Variants in ANAPC4 observed in about 807,000 individuals in gnomAD.
The protein encoded by ANAPC4 is anaphase promoting complex subunit 4, also known as anaphase-promoting complex subunit 4.
In ANAPC4, 63 loss-of-function variants were observed where a neutral mutation model predicts 119.8. That is an observed-to-expected ratio of 0.53 (90% CI 0.43 to 0.65). The LOEUF (loss-of-function observed/expected upper bound fraction) is 0.65, where lower values mean the gene tolerates loss of function less well. Among genes scored for constraint, ANAPC4 ranks in the 30% least tolerant of loss-of-function variants. The probability of loss-of-function intolerance (pLI) is 0.00; values close to 1 mark genes in which losing one functional copy is unlikely to be tolerated. For synonymous variants in ANAPC4, 283 were observed against 318.6 expected, an observed-to-expected ratio of 0.89 and a Z score of 1.19; for missense variants, 716 against 945.1, an observed-to-expected ratio of 0.76 and a Z score of 3.18.
chr4:25,402,450 G>A (rs1281904860), intron 16 of ANAPC4, among the ~76,000 whole-genome samples: 1 of 152,144 alleles, frequency 6.6e-6, no homozygotes, highest in East Asian at 1.9e-4. Context: ...GTAAAGCCAA[G>A]GGAAATTCAA....
intron 2 of ANAPC4, 73 bp downstream of exon 2, chr4:25,377,629 T>G: frequency 6.6e-7 from 1 of 1,518,402 alleles, no homozygotes; most frequent in East Asian, 2.4e-5. Flanking sequence ...AGCCCGAGCC[T>G]GTTCATTCGG....
At chr4:25,378,002 G>A (rs1021891914) in intron 2 of ANAPC4, among the ~76,000 whole-genome samples, 1 of 152,220 alleles carries the variant, frequency 6.6e-6, no homozygotes, top group Non-Finnish European at 1.5e-5. Flanking sequence ...AGCTGCAAAT[G>A]TGCCTGCATG....
In ANAPC4 at chr4:25,413,717, T is replaced by C. The variant is rs774943244; in HGVS notation, c.1598T>C (p.Ile533Thr). The change falls in exon 22 of 29, where the codon ATT becomes ACT. Residue 533 changes from isoleucine to threonine, a missense_variant. Transcript: ENST00000315368. ...HFVKRRMENI[I>T]DQCLQKPADV... ...GTGAAAAGGCGGATGGAGAATATTA[T>C]TGATCAGTGTTTGCAAAAGCCAGCA... 5 of 1,613,298 alleles carry C rather than the reference T, an allele frequency of 3.1e-6. No homozygotes were observed. Among genetic ancestry groups the C allele is most frequent in the Non-Finnish European group, 4.2e-6 (5 of 1,179,576 alleles).
intron 8 of ANAPC4, 88 bp from the exon 9 acceptor site, chr4:25,390,823 A>T: frequency 1.0e-6 from 1 of 964,580 alleles, no homozygotes; most frequent in Non-Finnish European, 1.6e-6. Context: ...TCTGCTTTTT[A>T]AAGCTCTGAG....
chr4:25,383,603 T>C (rs1162316291), intron 4 of ANAPC4, among the ~76,000 whole-genome samples: 2 of 152,164 alleles, frequency 1.3e-5, no homozygotes, highest in Non-Finnish European at 1.5e-5. Flanking sequence ...TATTGTGGGC[T>C]TGGTTCCAGA....
chr4:25,388,796 A>G, intron 6 of ANAPC4, 42 bp from the exon 7 acceptor site: 1 of 1,599,552 alleles, frequency 6.3e-7, no homozygotes, highest in Non-Finnish European at 8.5e-7. Context: ...ATTATTTGGA[A>G]GACAGAATTG....
chr4:25,378,558 A>C (rs565233358), intron 2 of ANAPC4, among the ~76,000 whole-genome samples: 1 of 152,382 alleles, frequency 6.6e-6, no homozygotes, highest in East Asian at 1.9e-4. Flanking sequence ...GACGGGAGGC[A>C]CATCCGTGCA....
Position 25,414,118 on chromosome 4 carries a change from T to C in ANAPC4, c.1624-206T>C. On this transcript the variant is annotated intron_variant, in intron 22 of 28. Transcript: ENST00000315368. The stretch of plus-strand genomic sequence containing the variant: ...GAGGGAGGTGGTCTTAAACCTGCCA[T>C]GTGCTTAGCACCAAGGTCCTTTTCA... 6.1e-6 allele frequency: 3 copies of C among 489,496 alleles called. No individual in the cohort carries two copies. The South Asian group carries it at 1.1e-4, about 18-fold the overall frequency. 30.3% of individuals were successfully genotyped at this position (489,496 alleles called of 1,614,324 possible).
chr4:25,378,417 AT>A (rs1721528710), intron 2 of ANAPC4, among the ~76,000 whole-genome samples: 1 of 152,170 alleles, frequency 6.6e-6, no homozygotes, highest in South Asian at 2.1e-4. Context: ...TCGCCAGGGT[AT>A]TGATGTCTAA....
At chr4:25,390,070 C>T (rs549611082) in intron 7 of ANAPC4, 66 bp from the exon 8 acceptor site, 24 of 1,116,456 alleles carry the variant, frequency 2.1e-5, no homozygotes, top group Middle Eastern at 2.0e-4. Flanking sequence ...ATTTATATCT[C>T]GCTTTAACAA....
Position 25,413,592 on chromosome 4 carries a change from A to G in ANAPC4, c.1526-53A>G, listed in dbSNP as rs956165648. 8.6e-6 allele frequency: 12 copies of G among 1,394,298 alleles called. No individual in the cohort carries two copies. The Admixed American group carries it at 1.5e-4, about 17-fold the overall frequency. The allele number at this position is 1,394,298 out of a possible 1,614,324, so 86.4% of individuals were successfully genotyped here. ...AACAGTAGATTATTTTCTTCTAATT[A>G]TAAGTTTGCTATAGCTTCTTTTATT... is the stretch of plus-strand genomic sequence containing the variant. On this transcript the variant is annotated intron_variant, in intron 21 of 28. Transcript: ENST00000315368.
At chr4:25,397,236 C>T (rs1300259087) in intron 16 of ANAPC4, among the ~76,000 whole-genome samples, 1 of 152,112 alleles carries the variant, frequency 6.6e-6, no homozygotes, top group Non-Finnish European at 1.5e-5. Flanking sequence ...AGAAGTTATT[C>T]TCTTTGTTTT....
At chr4:25,388,784 C>A in intron 6 of ANAPC4, 41 bp downstream of exon 6, 1 of 1,601,324 alleles carries the variant, frequency 6.2e-7, no homozygotes, top group Non-Finnish European at 8.5e-7. Context: ...AGATAATCTG[C>A]TATTATTTGG....
intron 17 of ANAPC4, 36 bp downstream of exon 17, chr4:25,403,062 C>G: frequency 6.7e-7 from 1 of 1,491,422 alleles, no homozygotes; most frequent in Non-Finnish European, 9.2e-7. Flanking sequence ...TATTTTAACA[C>G]TTTAAAAAAA....
At chr4:25,414,805 T>A (rs1723771725) in intron 25 of ANAPC4, 105 bp downstream of exon 25, 1 of 1,052,842 alleles carries the variant, frequency 9.5e-7, no homozygotes, top group Non-Finnish European at 1.3e-6. Flanking sequence ...ACTTTGTGAC[T>A]TTTAGATGTG....
intron 17 of ANAPC4, among the ~76,000 whole-genome samples, chr4:25,403,640 C>T (rs1723099361): frequency 6.6e-6 from 1 of 152,144 alleles, no homozygotes; most frequent in African/African-American, 2.4e-5. Flanking sequence ...CTGTGGTAGC[C>T]ACTAGCAACA....
chr4:25,377,354 C>T lies in ANAPC4; in HGVS notation c.-11+10C>T, dbSNP rs1351723626. Reference sequence around the variant, plus strand: ...GTGGGGACTCTTGCAGGTACAGGCGCGGTCGGGGCTCCTCGTGGAGAGCCG... The same window carrying T: ...GTGGGGACTCTTGCAGGTACAGGCGTGGTCGGGGCTCCTCGTGGAGAGCCG... On this transcript the variant is annotated intron_variant, in intron 1 of 28. Transcript: ENST00000315368. The T allele has an allele frequency of 2.5e-6, 4 of 1,582,208 alleles. No homozygotes were observed. The highest frequency in any genetic ancestry group is 1.2e-5 in the South Asian group (1 of 86,526).
chr4:25,395,847 T>C (rs1722618843), intron 14 of ANAPC4, among the ~76,000 whole-genome samples: 1 of 152,184 alleles, frequency 6.6e-6, no homozygotes, highest in African/African-American at 2.4e-5. Flanking sequence ...TCTGGACTAG[T>C]TGGGCTCTTT....
At chr4:25,410,741 C>T (rs184710997) in intron 21 of ANAPC4, among the ~76,000 whole-genome samples, 43 of 152,344 alleles carry the variant, frequency 2.8e-4, no homozygotes, top group Admixed American at 1.6e-3. Flanking sequence ...TACCTGACCT[C>T]ATATGATGGG....
Sources: gnomAD v4.1 joint callset for allele counts (sites outside exome capture counted in the v4.1 genomes callset) on GRCh38, gnomAD v4.1.1 for gene constraint, MANE v1.5 for transcripts, NCBI Gene and HGNC (gene_info 2026-07-23, HGNC 2026-07-21) for gene names.